Variants in DIS3L2 observed in about 807,000 individuals in gnomAD.
DIS3L2 encodes DIS3-like exonuclease 2.
Under a neutral mutation model 97.5 loss-of-function variants are expected in DIS3L2, and 34 were observed. That is an observed-to-expected ratio of 0.35 (90% CI 0.27 to 0.46). The LOEUF is 0.46. Among genes scored for constraint, DIS3L2 ranks in the 20% least tolerant of loss-of-function variants. The pLI, the probability that DIS3L2 is intolerant of heterozygous loss-of-function variation, is 1.00. For synonymous variants in DIS3L2, 435 were observed against 445.2 expected (o/e 0.98, Z 0.29); for missense variants, 1,038 against 1,146.0 (o/e 0.91, Z 1.36).
At chr2:232,120,771 A>T (rs1328641214) in intron 6 of DIS3L2, among the ~76,000 whole-genome samples, 1 of 151,988 alleles carries the variant, frequency 6.6e-6, no homozygotes, top group Non-Finnish European at 1.5e-5. Flanking sequence ...CAGCCACTAG[A>T]TTTACAAATG....
intron 6 of DIS3L2, among the ~76,000 whole-genome samples, chr2:232,124,756 T>A (rs919209059): frequency 6.6e-6 from 1 of 151,860 alleles, no homozygotes; most frequent in Non-Finnish European, 1.5e-5. Flanking sequence ...TAAAAAAATA[T>A]CCAAATTTAG....
In DIS3L2 at chr2:232,086,328, C is replaced by T. The variant is rs972921928; in HGVS notation, c.367-1159C>T. On this transcript the variant is annotated intron_variant, in intron 5 of 20. Coordinates refer to ENST00000325385, the MANE Select transcript of DIS3L2 (RefSeq NM_152383.5). ...ACATATGTATATGTATATGCATATGCATATGTATATATACATATATGTATA... is the reference window on the plus strand; with the variant it reads ...ACATATGTATATGTATATGCATATGTATATGTATATATACATATATGTATA... 5.4e-4 allele frequency among the ~76,000 whole-genome samples: 78 copies of T among 143,418 alleles called. 4 individuals are homozygous for T. The highest frequency in any genetic ancestry group is 1.8e-4 in the Non-Finnish European group (12 of 66,276). The allele number at this position is 143,418 out of a possible 152,430, so 94.1% of individuals were successfully genotyped here.
chr2:231,973,080 G>A (rs1016516466), intron 1 of DIS3L2, among the ~76,000 whole-genome samples: 17 of 152,330 alleles, frequency 1.1e-4, no homozygotes, highest in African/African-American at 4.1e-4. Flanking sequence ...TTCTGGAACA[G>A]TTTGCATAGA....
chr2:232,038,766 G>T (rs1254184644), intron 5 of DIS3L2, among the ~76,000 whole-genome samples: 1 of 152,154 alleles, frequency 6.6e-6, no homozygotes, highest in Non-Finnish European at 1.5e-5. Context: ...GTTTGCTGTT[G>T]TTGAGGTCTG....
At chr2:232,011,565 C>G (rs1694201507) in intron 1 of DIS3L2, among the ~76,000 whole-genome samples, 1 of 152,106 alleles carries the variant, frequency 6.6e-6, no homozygotes, top group African/African-American at 2.4e-5. Context: ...GTTGGTCAGG[C>G]TGGTCTCGAA....
At chr2:232,284,984 T>C (rs1384100865) in intron 13 of DIS3L2, among the ~76,000 whole-genome samples, 3 of 152,194 alleles carry the variant, frequency 2.0e-5, no homozygotes, top group Admixed American at 6.5e-5. Flanking sequence ...GAGGCTTTCA[T>C]TTTACAGATG....
intron 6 of DIS3L2, among the ~76,000 whole-genome samples, chr2:232,114,218 C>T (rs1697630544): frequency 7.0e-6 from 1 of 143,146 alleles, no homozygotes; most frequent in South Asian, 2.4e-4. Context: ...CCATTCCCAT[C>T]CCCCCACCCC....
chr2:232,340,925 C>T, downstream of DIS3L2: 1 of 470,932 alleles, frequency 2.1e-6, no homozygotes, highest in Non-Finnish European at 4.4e-6. Context: ...GGAACACAGA[C>T]CATAGAGGAA....
At chr2:232,223,114 A>G (rs1692548993) in intron 10 of DIS3L2, among the ~76,000 whole-genome samples, 1 of 152,154 alleles carries the variant, frequency 6.6e-6, no homozygotes, top group Non-Finnish European at 1.5e-5. Flanking sequence ...TTCCAGCTCT[A>G]CTGATTGGTT....
intron 10 of DIS3L2, among the ~76,000 whole-genome samples, chr2:232,221,101 CAA>C (rs373784144): frequency 1.8e-4 from 18 of 97,568 alleles, no homozygotes; most frequent in Non-Finnish European, 3.1e-4. Flanking sequence ...GACTTCATCT[CAA>C]AAAAAAAAAA....
intron 10 of DIS3L2, 102 bp from the exon 11 acceptor site, chr2:232,238,431 C>A: frequency 1.1e-6 from 1 of 908,504 alleles, no homozygotes; most frequent in Non-Finnish European, 1.7e-6. Context: ...AACTGCAGGT[C>A]CTGTGGCCTC....
chr2:232,183,453 T>C (rs1231864313), intron 9 of DIS3L2, among the ~76,000 whole-genome samples: 1 of 152,220 alleles, frequency 6.6e-6, no homozygotes, highest in Non-Finnish European at 1.5e-5. Flanking sequence ...GCATGCACTT[T>C]ACAACTCTGC....
downstream of DIS3L2, among the ~76,000 whole-genome samples, chr2:232,342,020 A>G (rs1696111715): frequency 6.6e-6 from 1 of 152,186 alleles, no homozygotes; most frequent in Non-Finnish European, 1.5e-5. Flanking sequence ...ATCAAAATAT[A>G]GACGATAGAT....
intron 8 of DIS3L2, among the ~76,000 whole-genome samples, chr2:232,138,857 TC>T (rs1428067040): frequency 3.3e-5 from 5 of 152,342 alleles, no homozygotes; most frequent in Admixed American, 3.3e-4. Context: ...GTATCGGACT[TC>T]CTTTGCCTAT....
chr2:232,000,734 T>C, intron 1 of DIS3L2, among the ~76,000 whole-genome samples: 1 of 147,740 alleles, frequency 6.8e-6, no homozygotes, highest in Non-Finnish European at 1.5e-5. Flanking sequence ...TCTTTTTTTT[T>C]TTTTTTTTTT....
intron 1 of DIS3L2, among the ~76,000 whole-genome samples, chr2:232,001,814 G>A (rs1371396240): frequency 1.4e-5 from 2 of 147,680 alleles, no homozygotes; most frequent in African/African-American, 2.5e-5. Flanking sequence ...TCCACCTCCC[G>A]GGTTCAAGCA....
At chr2:232,000,988 C>T (rs1268438234) in intron 1 of DIS3L2, among the ~76,000 whole-genome samples, 1 of 151,954 alleles carries the variant, frequency 6.6e-6, no homozygotes, top group Non-Finnish European at 1.5e-5. Context: ...CGTATCTTGG[C>T]TATTGAGAAT....
intron 10 of DIS3L2, among the ~76,000 whole-genome samples, chr2:232,228,671 G>A (rs1692711668): frequency 6.6e-6 from 1 of 152,186 alleles, no homozygotes; most frequent in South Asian, 2.1e-4. Context: ...CTGGCCAGTA[G>A]TGCTGTTTCT....
chr2:232,054,801 A>C (rs1695498959), intron 5 of DIS3L2, among the ~76,000 whole-genome samples: 1 of 152,224 alleles, frequency 6.6e-6, no homozygotes, highest in South Asian at 2.1e-4. Flanking sequence ...AGATAATACA[A>C]TATAAGAAAA....
Sources: gnomAD v4.1 joint callset for allele counts (sites outside exome capture counted in the v4.1 genomes callset) on GRCh38, gnomAD v4.1.1 for gene constraint, MANE v1.5 for transcripts, NCBI Gene and HGNC (gene_info 2026-07-23, HGNC 2026-07-21) for gene names.